Variants in WDFY4 observed in about 807,000 individuals in gnomAD.
WDFY4 encodes WDFY family member 4.
In WDFY4, 169 loss-of-function variants were observed where a neutral mutation model predicts 351.9. The observed-to-expected ratio is 0.48, with a 90% CI of 0.42 to 0.55. WDFY4 has a LOEUF of 0.55. Among genes scored for constraint, WDFY4 ranks in the 20% least tolerant of loss-of-function variants. The pLI is 0.00. For synonymous variants in WDFY4, 1,622 were observed against 1,574.6 expected, an observed-to-expected ratio of 1.03 and a Z score of -0.71; for missense variants, 3,803 against 3,935.6, an observed-to-expected ratio of 0.97 and a Z score of 0.90.
intron 40 of WDFY4, among the ~76,000 whole-genome samples, chr10:48,871,352 C>T (rs191980476): frequency 4.7e-4 from 72 of 152,326 alleles, no homozygotes; most frequent in African/African-American, 1.3e-3. Context: ...ACAAATGTCA[C>T]TACAATCTCC....
rs1841631545 is a variant in WDFY4, at chr10:48,957,136, G to C, written c.7985G>C (p.Ser2662Thr). The change falls in exon 52 of 62, where the codon AGC becomes ACC. Residue 2662 changes from serine (S) to threonine (T), a missense_variant. Ser to Thr is a moderately conservative substitution (Grantham distance 58). Coordinates refer to ENST00000325239, the MANE Select transcript of WDFY4 (RefSeq NM_001394531.1). ...TQAFCALQGG[S>T]FDVADRMFHS... The stretch of plus-strand genomic sequence containing the variant: ...TGGCTCCATTTCCCCCAGGGCGGAA[G>C]CTTCGACGTGGCAGACAGAATGTTC... The C allele has an allele frequency of 3.2e-6, 5 of 1,549,780 alleles. No homozygotes were observed. Among genetic ancestry groups the C allele is most frequent in the Non-Finnish European group, 4.4e-6 (5 of 1,145,724 alleles).
At position 48,788,032 on chromosome 10, in the gene WDFY4, T is replaced by TCCTTCTCCTTCTCCTTCTCCTTC. The variant is rs1565199619; in HGVS notation, c.3809-498_3809-497insCCTTCTCCTTCTCCTTCTCCTTC. Among the ~76,000 whole-genome samples the TCCTTCTCCTTCTCCTTCTCCTTC allele has an allele frequency of 6.4e-4, 62 of 96,170 alleles. 1 individual carries two copies. The highest frequency in any genetic ancestry group is 2.8e-3 in the African/African-American group (56 of 20,286). The allele number at this position is 96,170 out of a possible 152,430, so 63.1% of individuals were successfully genotyped here. A position where few individuals can be genotyped will look rare whatever the true frequency, so the allele number is the denominator to read the frequency against. ...TCTCCTTCTCCTTCTCCTTCTCCTTTTCCTTCTTCTTCTTCGACAGAGTCT... is the reference window on the plus strand; with the variant it reads ...TCTCCTTCTCCTTCTCCTTCTCCTTTCCTTCTCCTTCTCCTTCTCCTTCTCCTTCTTCTTCTTCGACAGAGTCT... On this transcript the variant is annotated intron_variant, in intron 20 of 61. Coordinates refer to ENST00000325239, the MANE Select transcript of WDFY4 (RefSeq NM_001394531.1).
At chr10:48,850,311 G>A (rs1564416008) in intron 39 of WDFY4, among the ~76,000 whole-genome samples, 1 of 152,192 alleles carries the variant, frequency 6.6e-6, no homozygotes, top group Non-Finnish European at 1.5e-5. Context: ...CTCTAAGGAA[G>A]TTTTGTCTCT....
intron 56 of WDFY4, among the ~76,000 whole-genome samples, chr10:48,969,475 C>T (rs1045770436): frequency 6.6e-6 from 1 of 152,196 alleles, no homozygotes; most frequent in Non-Finnish European, 1.5e-5. Context: ...TGTATACTGT[C>T]ACCTCCAGAG....
At chr10:48,847,903 G>C (rs1000381131) in intron 39 of WDFY4, among the ~76,000 whole-genome samples, 13 of 152,192 alleles carry the variant, frequency 8.5e-5, no homozygotes, top group African/African-American at 3.1e-4. Flanking sequence ...TTTAACAAGA[G>C]ATGAATTGCA....
chr10:48,867,281 T>C lies in WDFY4; in HGVS notation c.6680T>C (p.Ile2227Thr). 1 of 1,480,572 alleles carries C rather than the reference T, an allele frequency of 6.8e-7. No individual in the cohort carries two copies. The highest frequency in any genetic ancestry group is 9.0e-7 in the Non-Finnish European group (1 of 1,110,264). 91.7% of individuals were successfully genotyped at this position (1,480,572 alleles called of 1,614,324 possible). ...ECKTEDFVSC[I>T]ENYRRRGQEL... ...TTTCTCCAGGATTTTGTGTCATGTA[T>C]AGAGAACTACAGAAGAAGAGGACAA... The change falls in exon 40 of 62, where the codon ATA (isoleucine) becomes ACA (threonine). Residue 2227 changes from isoleucine to threonine, a missense_variant. By Grantham distance (89) the Ile-to-Thr change is moderately conservative. This residue lies in a region of WDFY4 where 3,054 missense variants were observed against 3,148.6 expected (regional missense o/e 0.97). Transcript: ENST00000325239.
At chr10:48,976,006 G>A (rs1222045211) in intron 58 of WDFY4, among the ~76,000 whole-genome samples, 1 of 152,168 alleles carries the variant, frequency 6.6e-6, no homozygotes, top group Non-Finnish European at 1.5e-5. Flanking sequence ...AGAGAAGCCT[G>A]GCACCAGGAC....
At chr10:48,803,248 C>A in intron 24 of WDFY4, 38 bp from the exon 25 acceptor site, 1 of 1,546,364 alleles carries the variant, frequency 6.5e-7, no homozygotes, top group Non-Finnish European at 8.8e-7. Flanking sequence ...TCTTCTCCCA[C>A]ACCTTCATTT....
At chr10:48,811,337 G>A (rs577028204) in intron 29 of WDFY4, among the ~76,000 whole-genome samples, 2 of 152,316 alleles carry the variant, frequency 1.3e-5, no homozygotes, top group East Asian at 3.9e-4. Flanking sequence ...ATGTTTTTGA[G>A]TGAATGAATG....
In WDFY4 at chr10:48,766,802, T is replaced by G. The variant is rs558959965; in HGVS notation, c.2553+6362T>G. Among the ~76,000 whole-genome samples the G allele has an allele frequency of 9.7e-4, 147 of 152,294 alleles. 1 individual carries two copies. In the Middle Eastern group the frequency reaches 0.014, roughly 14 times the overall value. On this transcript the variant is annotated intron_variant, in intron 13 of 61. Coordinates refer to ENST00000325239, the MANE Select transcript of WDFY4 (RefSeq NM_001394531.1). ...CTACCTTGTTTCTCTGTATCTCAAT[T>G]TCAACTACTCAGATTTGGCCTGGAT...
intron 24 of WDFY4, among the ~76,000 whole-genome samples, chr10:48,803,032 G>T (rs1455067093): frequency 6.6e-6 from 1 of 152,104 alleles, no homozygotes; most frequent in African/African-American, 2.4e-5. Context: ...GGTTAGTGCA[G>T]GCGTCCTTGG....
chr10:48,917,194 G>T lies in WDFY4; in HGVS notation c.7586+15331G>T, dbSNP rs568906073. ...CACTCTTTGATGTTCACATAATGATGAAATTGCCTAAGGATGTATTTCTCA... is the reference window on the plus strand; with the variant it reads ...CACTCTTTGATGTTCACATAATGATTAAATTGCCTAAGGATGTATTTCTCA... On this transcript the variant is annotated intron_variant, in intron 47 of 61. Coordinates refer to ENST00000325239, the MANE Select transcript of WDFY4 (RefSeq NM_001394531.1). 5.3e-5 allele frequency among the ~76,000 whole-genome samples: 8 copies of T among 152,266 alleles called. No individual in the cohort carries two copies. The South Asian group carries it at 1.7e-3, about 32-fold the overall frequency.
chr10:48,959,755 T>A lies in WDFY4; in HGVS notation c.8165T>A (p.Val2722Glu), dbSNP rs1841773698. The A allele has an allele frequency of 6.4e-7, 1 of 1,551,456 alleles. No individual in the cohort carries two copies. Among genetic ancestry groups the A allele is most frequent in the Non-Finnish European group, 8.7e-7 (1 of 1,146,954 alleles). ...CAGGACGGGACTGTGCTAGGAGACGTGCAGCTCCCTCCCTGGGCTGATGGG... is the reference window on the plus strand; with the variant it reads ...CAGGACGGGACTGTGCTAGGAGACGAGCAGCTCCCTCCCTGGGCTGATGGG... ...CMQDGTVLGD[V>E]QLPPWADGDP... Residue 2722 changes from valine (V) to glutamate (E), a missense_variant, in exon 53 of 62, where the codon GTG (valine) becomes GAG (glutamate). Val to Glu is a moderately radical substitution (Grantham distance 121). This residue lies in a region of WDFY4 where 3,054 missense variants were observed against 3,148.6 expected (regional missense o/e 0.97). Transcript: ENST00000325239.
intron 1 of WDFY4, among the ~76,000 whole-genome samples, chr10:48,694,685 C>G (rs911262119): frequency 6.6e-6 from 1 of 152,164 alleles, no homozygotes; most frequent in Admixed American, 6.5e-5. Context: ...GCAGGGCCCT[C>G]TCACCATGCA....
chr10:48,947,647 G>C (rs1195975506), intron 51 of WDFY4, among the ~76,000 whole-genome samples: 2 of 152,188 alleles, frequency 1.3e-5, no homozygotes, highest in Non-Finnish European at 2.9e-5. Flanking sequence ...TTCTGGGACA[G>C]AGTCTTTCAT....
At chr10:48,806,359 G>T (rs1204916563) in intron 27 of WDFY4, among the ~76,000 whole-genome samples, 1 of 152,192 alleles carries the variant, frequency 6.6e-6, no homozygotes, top group African/African-American at 2.4e-5. Context: ...CCAGCATGTG[G>T]GATCCGGGAT....
At chr10:48,945,120 A>G (rs1478037147) in intron 49 of WDFY4, among the ~76,000 whole-genome samples, 2 of 152,198 alleles carry the variant, frequency 1.3e-5, no homozygotes, top group African/African-American at 4.8e-5. Context: ...TTATGTCTGT[A>G]ATCCTGGCAC....
At chr10:48,733,752 A>G (rs1260063737) in intron 9 of WDFY4, among the ~76,000 whole-genome samples, 179 bp from the exon 10 acceptor site, 2 of 152,208 alleles carry the variant, frequency 1.3e-5, no homozygotes, top group Non-Finnish European at 2.9e-5. Flanking sequence ...TGTGCTCAAA[A>G]TGGAGAACCC....
chr10:48,945,512 G>C (rs1007983269), intron 49 of WDFY4, among the ~76,000 whole-genome samples: 4 of 152,170 alleles, frequency 2.6e-5, no homozygotes, highest in Non-Finnish European at 5.9e-5. Context: ...CCCTGAAACT[G>C]GTCCTGTTTT....
Sources: allele counts gnomAD v4.1 joint callset (sites outside exome capture counted in the v4.1 genomes callset), GRCh38; gene constraint gnomAD v4.1.1; regional missense constraint gnomAD v4.1.1; transcripts MANE v1.5; gene names NCBI Gene and HGNC (gene_info 2026-07-23, HGNC 2026-07-21).